Variants in MTA3 observed in about 807,000 individuals in gnomAD.
MTA3 encodes the protein metastasis associated 1 family member 3, also known as metastasis-associated protein MTA3.
In MTA3, 34 loss-of-function variants were observed where a neutral mutation model predicts 83.5. The ratio of observed to expected loss-of-function variants is 0.41; its 90% CI spans 0.31 to 0.54. The LOEUF (loss-of-function observed/expected upper bound fraction) is 0.54. Ranked by LOEUF, MTA3 falls within the 20% of genes least tolerant of loss-of-function variation. The pLI is 0.33. For missense variants in MTA3, 761 were observed against 726.4 expected (o/e 1.05, Z -0.55); for synonymous variants, 303 against 252.7 (o/e 1.20, Z -1.89).
At chr2:42,671,558 T>C (rs1328894002) in intron 8 of MTA3, among the ~76,000 whole-genome samples, 1 of 152,220 alleles carries the variant, frequency 6.6e-6, no homozygotes, top group East Asian at 1.9e-4. Flanking sequence ...CTTTTCATGA[T>C]AAACATACAA....
intron 2 of MTA3, among the ~76,000 whole-genome samples, chr2:42,527,945 G>A (rs747129815): frequency 2.0e-5 from 3 of 151,758 alleles, no homozygotes; most frequent in South Asian, 2.1e-4. Context: ...TTTTTGAGAC[G>A]GAATCTCACT....
At chr2:42,646,834 G>T (rs540858026) in intron 6 of MTA3, among the ~76,000 whole-genome samples, 1 of 152,246 alleles carries the variant, frequency 6.6e-6, no homozygotes, top group African/African-American at 2.4e-5. Context: ...AGCAGTGGCA[G>T]GGTTTGAGAG....
intron 16 of MTA3, among the ~76,000 whole-genome samples, chr2:42,750,376 T>A (rs768859323): frequency 2.0e-5 from 3 of 151,436 alleles, no homozygotes; most frequent in Non-Finnish European, 4.4e-5. Context: ...TGTTATTTGG[T>A]CTCTAACACC....
chr2:42,628,025 C>T (rs1184333097), intron 4 of MTA3, among the ~76,000 whole-genome samples: 2 of 151,900 alleles, frequency 1.3e-5, no homozygotes, highest in African/African-American at 4.8e-5. Flanking sequence ...GGTGGGATTA[C>T]AGGTGAGCAC....
chr2:42,549,610 TATATA>T (rs1375806076), intron 2 of MTA3, among the ~76,000 whole-genome samples: 3 of 120,946 alleles, frequency 2.5e-5, no homozygotes, highest in Admixed American at 1.0e-4. Flanking sequence ...ACATATATAA[TATATA>T]ATATATTATA....
At chr2:42,712,223 A>G (rs1666678422) in intron 14 of MTA3, among the ~76,000 whole-genome samples, 1 of 152,206 alleles carries the variant, frequency 6.6e-6, no homozygotes, top group African/African-American at 2.4e-5. Context: ...GTAAAGAGTA[A>G]TGACATCTGA....
At chr2:42,635,350 G>T (rs1295047200) in intron 4 of MTA3, among the ~76,000 whole-genome samples, 1 of 152,074 alleles carries the variant, frequency 6.6e-6, no homozygotes, top group Non-Finnish European at 1.5e-5. Context: ...AACTTGGGCC[G>T]GGCAAAGTGG....
chr2:42,523,401 G>A (rs1164332289), intron 2 of MTA3, among the ~76,000 whole-genome samples: 7 of 152,092 alleles, frequency 4.6e-5, no homozygotes, highest in Non-Finnish European at 1.0e-4. Context: ...GCGTGTTCTC[G>A]TCAGGGTCTC....
intron 14 of MTA3, among the ~76,000 whole-genome samples, chr2:42,713,999 C>T (rs977149814): frequency 2.0e-5 from 3 of 152,078 alleles, no homozygotes; most frequent in Non-Finnish European, 2.9e-5. Flanking sequence ...TTTTATTGCC[C>T]GTAGAAAAAC....
chr2:42,647,697 C>T lies in MTA3; in HGVS notation c.499+3453C>T, dbSNP rs144902321. 5.5e-3 allele frequency among the ~76,000 whole-genome samples: 831 copies of T among 152,220 alleles called. 5 individuals are homozygous for T. The highest frequency in any genetic ancestry group is 7.6e-3 in the Non-Finnish European group (516 of 68,012). ...TCTCTAACAAAAACAACAGATTTAT[C>T]GATTTTATTGAAAAATACTGTATTT... On this transcript the variant is annotated intron_variant, in intron 6 of 16. Coordinates refer to ENST00000405094, the MANE Select transcript of MTA3 (RefSeq NM_001330442.2).
At chr2:42,642,592 A>AT (rs994371769) in intron 5 of MTA3, among the ~76,000 whole-genome samples, 1 of 151,994 alleles carries the variant, frequency 6.6e-6, no homozygotes, top group African/African-American at 2.4e-5. Flanking sequence ...AAACAAAAAA[A>AT]TCAAACAATT....
At chr2:42,672,027 C>T (rs1690842991) in intron 8 of MTA3, among the ~76,000 whole-genome samples, 1 of 152,184 alleles carries the variant, frequency 6.6e-6, no homozygotes. Context: ...CCTCTCCTTG[C>T]CTGTATTGGT....
At chr2:42,534,319 G>A (rs1335201154) in intron 2 of MTA3, among the ~76,000 whole-genome samples, 1 of 152,166 alleles carries the variant, frequency 6.6e-6, no homozygotes, top group Non-Finnish European at 1.5e-5. Flanking sequence ...AAATGAGGCT[G>A]GGTGCCGTGG....
rs1678343297 is a variant in MTA3, at chr2:42,570,503, A to G, written c.95A>G (p.Lys32Arg). 2 of 1,467,900 alleles carry G rather than the reference A, an allele frequency of 1.4e-6. No homozygotes were observed. Among genetic ancestry groups the G allele is most frequent in the Non-Finnish European group, 1.8e-6 (2 of 1,086,906 alleles). 90.9% of individuals were successfully genotyped at this position (1,467,900 alleles called of 1,614,324 possible). A position where few individuals can be genotyped will look rare whatever the true frequency, so the allele number is the denominator to read the frequency against. Residue 32 changes from lysine (K) to arginine (R), a missense_variant and splice_region_variant, in exon 2 of 17, where the codon AAG becomes AGG. Physicochemically the swap from Lys to Arg is conservative, Grantham distance 26 (BLOSUM62 2). Coordinates refer to ENST00000405094, the MANE Select transcript of MTA3 (RefSeq NM_001330442.2). ...ATAAGAAGGATAGAAGAACTCAACA[A>G]GGTATACACTGAGTGTTCTTAATTT... is the stretch of plus-strand genomic sequence containing the variant. ...YLIRRIEELNKTASGNVEAKV... is the reference protein window; with the variant it reads ...YLIRRIEELNRTASGNVEAKV...
intron 16 of MTA3, among the ~76,000 whole-genome samples, chr2:42,724,558 C>T (rs1197016282): frequency 3.3e-5 from 5 of 150,740 alleles, no homozygotes; most frequent in South Asian, 4.2e-4. Context: ...GTGGGAGGAT[C>T]GATTGAGCCC....
chr2:42,530,521 A>G (rs1675914382), intron 2 of MTA3, among the ~76,000 whole-genome samples: 1 of 150,452 alleles, frequency 6.6e-6, no homozygotes, highest in African/African-American at 2.5e-5. Context: ...GCGGTGGCTC[A>G]TGCCTGTAAT....
At chr2:42,579,719 A>G (rs1288940115) in intron 3 of MTA3, among the ~76,000 whole-genome samples, 1 of 151,772 alleles carries the variant, frequency 6.6e-6, no homozygotes, top group East Asian at 1.9e-4. Flanking sequence ...TCAGTGGTGG[A>G]TTTTTCTTTT....
chr2:42,754,819 G>A lies in MTA3; in HGVS notation c.*1420G>A. The stretch of plus-strand genomic sequence containing the variant: ...GTAACTTGGTAAGGATAATGATGCT[G>A]TAGATGTCTGTGTCCTCGGAGGCTG... On this transcript the variant is annotated 3_prime_UTR_variant, in exon 17 of 17. Coordinates refer to ENST00000405094, the MANE Select transcript of MTA3 (RefSeq NM_001330442.2). 1.0e-6 allele frequency: 1 copy of A among 985,540 alleles called. No homozygotes were observed. The highest frequency in any genetic ancestry group is 1.2e-6 in the Non-Finnish European group (1 of 829,974). 61.0% of individuals were successfully genotyped at this position (985,540 alleles called of 1,614,324 possible).
At chr2:42,740,240 G>T (rs1203540882) in intron 16 of MTA3, among the ~76,000 whole-genome samples, 1 of 152,256 alleles carries the variant, frequency 6.6e-6, no homozygotes, top group Non-Finnish European at 1.5e-5. Flanking sequence ...GCTGGGCGTG[G>T]TGGTTTACAC....
Sources: allele counts gnomAD v4.1 joint callset (sites outside exome capture counted in the v4.1 genomes callset), GRCh38; gene constraint gnomAD v4.1.1; transcripts MANE v1.5; gene names NCBI Gene and HGNC (gene_info 2026-07-23, HGNC 2026-07-21).